The following IRAG2 variants were observed in gnomAD, a reference collection of about 807,000 sequenced individuals.
IRAG2 encodes the protein inositol 1,4,5-triphosphate receptor associated 2.
IRAG2 carries 45 observed loss-of-function variants against 69.9 expected under a neutral mutation model. That is an observed-to-expected ratio of 0.64 (90% CI 0.51 to 0.83). IRAG2 has a LOEUF of 0.83. Among genes scored for constraint, IRAG2 ranks in the 40% least tolerant of loss-of-function variants. The pLI is 0.00. For missense variants in IRAG2, 520 were observed against 587.0 expected (o/e 0.89, Z 1.18); for synonymous variants, 193 against 202.4 (o/e 0.95, Z 0.40).
intron 5 of IRAG2, chr12:25,015,554 T>A: frequency 2.0e-6 from 1 of 499,710 alleles, no homozygotes; most frequent in Non-Finnish European, 3.1e-6. Context: ...CTAGCATAAC[T>A]GATTTTAAAT....
rs1490493474 is a variant in IRAG2, at chr12:25,032,141, G to A, written c.1519-1G>A. The A allele has an allele frequency of 2.5e-6, 1 of 398,810 alleles. No homozygotes were observed. The highest frequency in any genetic ancestry group is 4.4e-6 in the Non-Finnish European group (1 of 226,056). The allele number at this position is 398,810 out of a possible 1,614,324, so 24.7% of individuals were successfully genotyped here. On this transcript the variant is annotated splice_acceptor_variant, in intron 10 of 38. Transcript: ENST00000636465. LOFTEE classifies it high-confidence loss of function. ...TATTATTTCTCTCTTCTACTTTTCA[G>A]AAAGGCTTATATATAGAAGAACTTA...
At chr12:25,042,097 A>G (rs1008354112) in intron 16 of IRAG2, among the ~76,000 whole-genome samples, 4 of 152,048 alleles carry the variant, frequency 2.6e-5, no homozygotes, top group Non-Finnish European at 5.9e-5. Flanking sequence ...TGAGGGATGT[A>G]GTGTGGGTCA....
chr12:25,050,365 C>T (rs1202968708), upstream of IRAG2, among the ~76,000 whole-genome samples: 1 of 151,274 alleles, frequency 6.6e-6, no homozygotes, highest in Non-Finnish European at 1.5e-5. Flanking sequence ...CCCGTCTCTA[C>T]TAAAATACAA....
Position 25,104,341 on chromosome 12 carries a change from C to T in IRAG2, c.1047-20C>T. 6.8e-7 allele frequency: 1 copy of T among 1,467,480 alleles called. No individual in the cohort carries two copies. Among genetic ancestry groups the T allele is most frequent in the Non-Finnish European group, 9.6e-7 (1 of 1,046,294 alleles). The allele number at this position is 1,467,480 out of a possible 1,614,324, so 90.9% of individuals were successfully genotyped here. On this transcript the variant is annotated intron_variant, in intron 19 of 21. Coordinates refer to ENST00000556887, the MANE Select transcript of IRAG2 (RefSeq NM_001366544.2). ...CAGATGTATTTGATTTGACAAGTGG[C>T]TATAATCATCTTTATTTAGGCGTAT...
intron 16 of IRAG2, among the ~76,000 whole-genome samples, chr12:25,044,207 A>G (rs1944773603): frequency 1.3e-5 from 2 of 152,134 alleles, no homozygotes; most frequent in Non-Finnish European, 2.9e-5. Flanking sequence ...TTAGCTTAAA[A>G]TAGACTATTA....
upstream of IRAG2, among the ~76,000 whole-genome samples, chr12:25,001,638 G>GGGAGCAT (rs1944391651): frequency 6.6e-6 from 1 of 152,108 alleles, no homozygotes; most frequent in African/African-American, 2.4e-5. Flanking sequence ...GACAGGATTT[G>GGGAGCAT]GGAGCATGAG....
At chr12:25,078,829 G>C (rs1947001260) in intron 6 of IRAG2, among the ~76,000 whole-genome samples, 1 of 152,280 alleles carries the variant, frequency 6.6e-6, no homozygotes, top group Non-Finnish European at 1.5e-5. Context: ...AGAAAACTAA[G>C]AGCAATTTTA....
chr12:25,017,029 A>G, intron 5 of IRAG2: 1 of 884,282 alleles, frequency 1.1e-6, no homozygotes, highest in Non-Finnish European at 1.5e-6. Context: ...AAAAAAAAAA[A>G]AACTCACCAG....
At chr12:25,034,525 T>C (rs929991388) in intron 13 of IRAG2, among the ~76,000 whole-genome samples, 7 of 152,242 alleles carry the variant, frequency 4.6e-5, no homozygotes. Context: ...CAGTACTTTA[T>C]AACATGGGAA....
intron 5 of IRAG2, among the ~76,000 whole-genome samples, chr12:25,068,801 C>T (rs1346823288): frequency 1.3e-5 from 2 of 152,188 alleles, no homozygotes; most frequent in African/African-American, 4.8e-5. Flanking sequence ...CCTAGCACCT[C>T]TGTCTACAAG....
chr12:25,073,437 T>G (rs985427032), intron 6 of IRAG2, among the ~76,000 whole-genome samples: 7 of 152,232 alleles, frequency 4.6e-5, no homozygotes, highest in African/African-American at 1.7e-4. Context: ...TCAATTAGCT[T>G]ACTGCTTTCT....
At chr12:25,020,071 T>C (rs1190332200) in intron 6 of IRAG2, among the ~76,000 whole-genome samples, 1 of 152,212 alleles carries the variant, frequency 6.6e-6, no homozygotes, top group Non-Finnish European at 1.5e-5. Flanking sequence ...AGCACTCAAT[T>C]AGTATTTGTT....
intron 10 of IRAG2, among the ~76,000 whole-genome samples, chr12:25,031,866 T>A (rs1944670326): frequency 6.6e-6 from 1 of 152,182 alleles, no homozygotes; most frequent in South Asian, 2.1e-4. Context: ...TTCCCCATGT[T>A]GGTCAGGCTG....
At chr12:25,062,932 A>T (rs2139979791) in intron 3 of IRAG2, 32 bp downstream of exon 3, 1 of 398,970 alleles carries the variant, frequency 2.5e-6, no homozygotes, top group East Asian at 3.6e-5. Flanking sequence ...TTATTTAGGT[A>T]GTAATTGTGA....
chr12:25,004,398 T>C lies in IRAG2; in HGVS notation c.57T>C (p.Cys19=), dbSNP rs566523569. 15 of 1,232,142 alleles carry C rather than the reference T, an allele frequency of 1.2e-5. No individual in the cohort carries two copies. In the South Asian group the frequency reaches 3.7e-4, roughly 30 times the overall value. The allele number at this position is 1,232,142 out of a possible 1,614,324, so 76.3% of individuals were successfully genotyped here. Reference sequence around the variant, plus strand: ...GGCATAACCCAGTGGAAAGCATCTGTAGAAAGATCAGAGCCATCCACAAGA... The same window carrying C: ...GGCATAACCCAGTGGAAAGCATCTGCAGAAAGATCAGAGCCATCCACAAGA... The change falls in exon 1 of 39, where the codon TGT becomes TGC. Residue 19 remains cysteine (C), a synonymous_variant. Coordinates refer to the IRAG2 transcript ENST00000636465.
intron 14 of IRAG2, 67 bp from the exon 15 acceptor site, chr12:25,096,843 G>T: frequency 7.8e-7 from 1 of 1,288,290 alleles, no homozygotes. Flanking sequence ...TTGCAACTTA[G>T]TCAGTGTTAG....
At chr12:25,040,996 C>G (rs988822441) in intron 16 of IRAG2, among the ~76,000 whole-genome samples, 3 of 152,056 alleles carry the variant, frequency 2.0e-5, no homozygotes, top group Non-Finnish European at 4.4e-5. Context: ...TGACTGGGAG[C>G]ATTTTAGAGA....
rs143408685 is a variant in IRAG2, at chr12:25,088,594, C to G, written c.373+437C>G. On this transcript the variant is annotated intron_variant, in intron 11 of 21. Coordinates refer to ENST00000556887, the MANE Select transcript of IRAG2 (RefSeq NM_001366544.2). Reference sequence around the variant, plus strand: ...CTACATGGGATCAATCTCTGACTAGCTATTGATCTTGGAAAGTTACTTAAC... The same window carrying G: ...CTACATGGGATCAATCTCTGACTAGGTATTGATCTTGGAAAGTTACTTAAC... 4.1e-3 allele frequency among the ~76,000 whole-genome samples: 623 copies of G among 152,286 alleles called. 2 individuals are homozygous for G. The highest frequency in any genetic ancestry group is 0.013 in the Admixed American group (199 of 15,284).
At chr12:25,103,977 C>A in intron 18 of IRAG2, 32 bp from the exon 19 acceptor site, 1 of 1,604,816 alleles carries the variant, frequency 6.2e-7, no homozygotes, top group Non-Finnish European at 8.5e-7. Context: ...TATATTTTAT[C>A]ATTTCTTTTA....
Sources: gnomAD v4.1 joint callset for allele counts (sites outside exome capture counted in the v4.1 genomes callset) on GRCh38, gnomAD v4.1.1 for gene constraint, MANE v1.5 for transcripts, NCBI Gene and HGNC (gene_info 2026-07-23, HGNC 2026-07-21) for gene names.